The following MYO16 variants were observed in gnomAD, a reference collection of about 807,000 sequenced individuals.
MYO16 encodes the protein myosin XVI.
In MYO16, 94 loss-of-function variants were observed where a neutral mutation model predicts 205.3. The observed-to-expected ratio is 0.46, with a 90% confidence interval of 0.39 to 0.54. The LOEUF is 0.54. Ranked by LOEUF, MYO16 falls within the 20% of genes least tolerant of loss-of-function variation. The pLI is 0.00. For synonymous variants in MYO16, 988 were observed against 954.0 expected, an observed-to-expected ratio of 1.04 and a Z score of -0.66; for missense variants, 2,315 against 2,387.5, an observed-to-expected ratio of 0.97 and a Z score of 0.63.
At chr13:108,577,506 C>T in the MYO16 span, among the ~76,000 whole-genome samples, 1 of 152,328 alleles carries the variant, frequency 6.6e-6, no homozygotes, top group African/African-American at 2.4e-5. Flanking sequence ...CTGTCTCTCT[C>T]CTCCATCTGG....
chr13:108,648,169 T>C (rs1174183869), intron 1 of MYO16, among the ~76,000 whole-genome samples: 1 of 152,192 alleles, frequency 6.6e-6, no homozygotes, highest in Non-Finnish European at 1.5e-5. Flanking sequence ...AGAATTGGGC[T>C]CAATGGGCCA....
intron 4 of MYO16, among the ~76,000 whole-genome samples, chr13:108,728,059 T>G (rs1884400751): frequency 1.3e-5 from 2 of 152,232 alleles, no homozygotes; most frequent in African/African-American, 4.8e-5. Flanking sequence ...TGGTTGTTAT[T>G]TTCAGTTAAT....
rs1176502958 is a variant in MYO16, at chr13:108,870,388, A to T, written c.1425+4146A>T. On this transcript the variant is annotated intron_variant, in intron 12 of 34. Coordinates refer to ENST00000457511, the MANE Select transcript of MYO16 (RefSeq NM_001198950.3). ...TAAAAAAATCTTCTATGTCAAAATTATGCTAGTTTCATAAAGAGAATTGGA... is the reference window on the plus strand; with the variant it reads ...TAAAAAAATCTTCTATGTCAAAATTTTGCTAGTTTCATAAAGAGAATTGGA... Among the ~76,000 whole-genome samples, 5 of 152,068 alleles carry T rather than the reference A, an allele frequency of 3.3e-5. No homozygotes were observed. The East Asian group carries it at 9.6e-4, about 29-fold the overall frequency.
intron 21 of MYO16, among the ~76,000 whole-genome samples, chr13:108,996,370 C>T (rs1323702296): frequency 1.3e-5 from 2 of 152,132 alleles, no homozygotes; most frequent in Non-Finnish European, 2.9e-5. Context: ...ACATGTACAA[C>T]AGCTGAATGT....
chr13:108,579,806 GT>G, the MYO16 span, among the ~76,000 whole-genome samples: 3 of 152,050 alleles, frequency 2.0e-5, no homozygotes, highest in Non-Finnish European at 2.9e-5. Context: ...AGATAATTCT[GT>G]AGAAAAATAA....
rs908700789 is a variant in MYO16, at chr13:108,922,330, G to A, written c.1925+12180G>A. Reference sequence around the variant, plus strand: ...GCAGCCAGAACCTGGTTACATGCCAGCGCAAGGCTCAGCTTCTGTGTGTCC... The same window carrying A: ...GCAGCCAGAACCTGGTTACATGCCAACGCAAGGCTCAGCTTCTGTGTGTCC... On this transcript the variant is annotated intron_variant, in intron 16 of 34. Transcript: ENST00000457511. Among the ~76,000 whole-genome samples, 3 of 152,208 alleles carry A rather than the reference G, an allele frequency of 2.0e-5. No individual in the cohort carries two copies. The East Asian group carries it at 5.8e-4, about 29-fold the overall frequency.
intron 4 of MYO16, among the ~76,000 whole-genome samples, chr13:108,775,629 C>T (rs1274854992): frequency 2.0e-5 from 3 of 151,920 alleles, no homozygotes; most frequent in Non-Finnish European, 4.4e-5. Context: ...GGTTTTCTGA[C>T]ATTTGGATGA....
intron 1 of MYO16, among the ~76,000 whole-genome samples, chr13:108,638,552 C>T (rs1042500917): frequency 2.0e-5 from 3 of 151,970 alleles, no homozygotes; most frequent in Non-Finnish European, 2.9e-5. Flanking sequence ...ACTCAGTGAC[C>T]ACCTCTAACT....
intron 28 of MYO16, among the ~76,000 whole-genome samples, chr13:109,107,595 G>T (rs964388064): frequency 6.6e-6 from 1 of 151,824 alleles, no homozygotes; most frequent in East Asian, 1.9e-4. Context: ...TTATTAGTAC[G>T]ATAAATTAAT....
At chr13:109,068,046 T>G (rs149296833) in intron 27 of MYO16, among the ~76,000 whole-genome samples, 41 of 152,224 alleles carry the variant, frequency 2.7e-4, no homozygotes, top group African/African-American at 9.4e-4. Flanking sequence ...ACCACACAAA[T>G]GAAACGAAGG....
chr13:109,141,892 C>A lies in MYO16; in HGVS notation c.5164+516C>A, dbSNP rs893341615. On this transcript the variant is annotated intron_variant, in intron 32 of 34. Coordinates refer to ENST00000457511, the MANE Select transcript of MYO16 (RefSeq NM_001198950.3). The surrounding 1 kb of genome is among the most constrained non-coding windows in gnomAD (Gnocchi z 4.1). The stretch of plus-strand genomic sequence containing the variant: ...GCGCTTAATGCCACTCGGCTGTGGG[C>A]TGTTTGGGATGAACTGCTTTTCTTC... Among the ~76,000 whole-genome samples, 3 of 152,106 alleles carry A rather than the reference C, an allele frequency of 2.0e-5. No individual in the cohort carries two copies. Among genetic ancestry groups the A allele is most frequent in the South Asian group, 2.1e-4 (1 of 4,826 alleles).
At position 108,863,171 on chromosome 13, in the gene MYO16, T is replaced by C. The variant is rs1382275433; in HGVS notation, c.1360-3006T>C. Among the ~76,000 whole-genome samples the C allele has an allele frequency of 2.0e-5, 3 of 152,156 alleles. No individual in the cohort carries two copies. The South Asian group carries it at 6.2e-4, about 31-fold the overall frequency. On this transcript the variant is annotated intron_variant, in intron 11 of 34. Transcript: ENST00000457511. ...CTGCAAATGATGACTTTTATTTCTT[T>C]TTTTGAAAAAGTCATACCTTTTTTT... is the stretch of plus-strand genomic sequence containing the variant.
chr13:108,853,597 T>TA (rs550407609), intron 10 of MYO16, among the ~76,000 whole-genome samples: 2 of 26,302 alleles, frequency 7.6e-5, no homozygotes, highest in Admixed American at 6.0e-4. Flanking sequence ...GAGATCTAGA[T>TA]TTTTTTTTTT....
At chr13:108,701,843 C>A (rs921155311) in intron 2 of MYO16, among the ~76,000 whole-genome samples, 1 of 152,064 alleles carries the variant, frequency 6.6e-6, no homozygotes, top group Non-Finnish European at 1.5e-5. Flanking sequence ...AAAGTGGTAT[C>A]TCCCCACATA....
At chr13:108,623,185 C>G (rs1879607063) in intron 1 of MYO16, among the ~76,000 whole-genome samples, 1 of 152,052 alleles carries the variant, frequency 6.6e-6, no homozygotes, top group Non-Finnish European at 1.5e-5. Context: ...CTCTGACAGC[C>G]CAAACTGTGC....
intron 34 of MYO16, among the ~76,000 whole-genome samples, chr13:109,184,818 G>C (rs1879617702): frequency 6.6e-6 from 1 of 151,996 alleles, no homozygotes; most frequent in South Asian, 2.1e-4. Context: ...GCCCGGGCTG[G>C]AGTGCAGTGG....
intron 11 of MYO16, among the ~76,000 whole-genome samples, chr13:108,859,817 A>C (rs1039121981): frequency 3.3e-5 from 5 of 152,118 alleles, no homozygotes; most frequent in African/African-American, 4.8e-5. Flanking sequence ...CATAAAAAAA[A>C]CCCCACAAAG....
intron 34 of MYO16, 69 bp downstream of exon 34, chr13:109,179,702 C>T (rs1879374541): frequency 3.2e-6 from 4 of 1,269,480 alleles, no homozygotes; most frequent in Non-Finnish European, 4.6e-6. Flanking sequence ...CATTCATTAA[C>T]TTGTTACCAA....
chr13:108,755,045 GAC>G (rs1954106690), intron 4 of MYO16, among the ~76,000 whole-genome samples: 2 of 152,088 alleles, frequency 1.3e-5, no homozygotes, highest in African/African-American at 4.8e-5. Context: ...ATAAATGTGA[GAC>G]AGCATTCAGG....
Sources: allele counts gnomAD v4.1 joint callset (sites outside exome capture counted in the v4.1 genomes callset), GRCh38; gene constraint gnomAD v4.1.1; non-coding constraint Gnocchi (gnomAD v3.1); transcripts MANE v1.5; gene names NCBI Gene and HGNC (gene_info 2026-07-23, HGNC 2026-07-21).